FRMD8: variants seen among roughly 807,000 people sequenced by gnomAD.
FRMD8 encodes the protein FERM domain-containing protein 8.
FRMD8 carries 37 observed loss-of-function variants against 54.2 expected under a neutral mutation model. That is an observed-to-expected ratio of 0.68 (90% CI 0.53 to 0.90). The LOEUF (loss-of-function observed/expected upper bound fraction) is 0.90. Among genes scored for constraint, FRMD8 ranks in the 40% least tolerant of loss-of-function variants. The pLI, the probability that FRMD8 is intolerant of heterozygous loss-of-function variation, is 0.00. For synonymous variants in FRMD8, 246 were observed against 286.9 expected, an observed-to-expected ratio of 0.86 and a Z score of 1.44; for missense variants, 585 against 653.7, an observed-to-expected ratio of 0.89 and a Z score of 1.15.
At chr11:65,399,201 C>G (rs1463642680) in intron 7 of FRMD8, among the ~76,000 whole-genome samples, 2 of 151,926 alleles carry the variant, frequency 1.3e-5, no homozygotes, top group African/African-American at 4.8e-5. Context: ...GGGTTTCACC[C>G]TGTTAGCCAG....
At chr11:65,370,699 C>CA in the FRMD8 span, among the ~76,000 whole-genome samples, 1,004 of 138,012 alleles carry the variant, frequency 7.3e-3, 6 homozygotes, top group African/African-American at 0.022. Flanking sequence ...GACTCTGTCT[C>CA]AAAAAAAAAA....
At chr11:65,402,203 T>C (rs999353204) in intron 9 of FRMD8, among the ~76,000 whole-genome samples, 26 of 151,932 alleles carry the variant, frequency 1.7e-4, no homozygotes, top group African/African-American at 4.8e-4. Context: ...TACAAAAAAT[T>C]GGCCGGGTGT....
the FRMD8 span, among the ~76,000 whole-genome samples, chr11:65,373,440 C>T: frequency 1.6e-4 from 25 of 152,310 alleles, no homozygotes; most frequent in South Asian, 4.8e-3. Flanking sequence ...TCAGGAGCCC[C>T]CAGAACACCG....
At chr11:65,373,381 C>T in the FRMD8 span, among the ~76,000 whole-genome samples, 1 of 152,216 alleles carries the variant, frequency 6.6e-6, no homozygotes, top group African/African-American at 2.4e-5. Flanking sequence ...GTTCGAGTCT[C>T]TTCCACCATA....
At chr11:65,376,874 T>G in the FRMD8 span, 1 of 1,614,170 alleles carries the variant, frequency 6.2e-7, no homozygotes, top group Non-Finnish European at 8.5e-7. Flanking sequence ...GGTGATGAAG[T>G]AGATCCCCAC....
At chr11:65,387,854 C>T (rs1855764606) in intron 2 of FRMD8, among the ~76,000 whole-genome samples, 1 of 151,930 alleles carries the variant, frequency 6.6e-6, no homozygotes, top group Admixed American at 6.6e-5. Flanking sequence ...TTTCTTTCTC[C>T]CAAACAGCCT....
intron 3 of FRMD8, among the ~76,000 whole-genome samples, chr11:65,389,751 A>G (rs1379978309): frequency 6.6e-6 from 1 of 151,892 alleles, no homozygotes; most frequent in East Asian, 1.9e-4. Flanking sequence ...CTGGTGGTGG[A>G]GGAGTGGACA....
chr11:65,412,698 A>G lies in FRMD8; in HGVS notation c.*1338A>G, dbSNP rs1856363184. 6.6e-6 allele frequency: 1 copy of G among 151,906 alleles called. No individual in the cohort carries two copies. The highest frequency in any genetic ancestry group is 1.5e-5 in the Non-Finnish European group (1 of 67,986). The allele number at this position is 151,906 out of a possible 1,614,324, so 9.4% of individuals were successfully genotyped here. On this transcript the variant is annotated 3_prime_UTR_variant, in exon 11 of 11. Transcript: ENST00000317568. ...CGTGGGAGAGGAAGCTTGGGCCTCT[A>G]CTCCAAGTATCAGAGCCTGTTCACC...
At chr11:65,381,983 C>A (rs763451997), upstream of FRMD8, 7 of 1,589,022 alleles carry the variant, frequency 4.4e-6, no homozygotes, top group Non-Finnish European at 6.0e-6. Flanking sequence ...GTGGCTCCAG[C>A]AGAGGAGACA....
At chr11:65,382,072 G>T, upstream of FRMD8, 2 of 915,286 alleles carry the variant, frequency 2.2e-6, no homozygotes, top group Non-Finnish European at 3.6e-6. This position sits in a 1 kb window ranked among gnomAD's most constrained non-coding sequence, Gnocchi z 4.4. Flanking sequence ...GGGAAGGTGA[G>T]AATTGGCCTG....
At chr11:65,371,831 G>A in the FRMD8 span, among the ~76,000 whole-genome samples, 10 of 152,138 alleles carry the variant, frequency 6.6e-5, no homozygotes, top group East Asian at 3.9e-4. Flanking sequence ...AGCCAGGATG[G>A]TCTCGATCTC....
At chr11:65,385,881 G>T (rs1417038270), upstream of FRMD8, among the ~76,000 whole-genome samples, 1 of 149,094 alleles carries the variant, frequency 6.7e-6, no homozygotes, top group South Asian at 2.1e-4. Flanking sequence ...TGCAGGCTCC[G>T]CCCCCTGGGG....
At chr11:65,388,393 C>T (rs983542103) in intron 2 of FRMD8, among the ~76,000 whole-genome samples, 3 of 152,120 alleles carry the variant, frequency 2.0e-5, no homozygotes, top group South Asian at 2.1e-4. Flanking sequence ...ACTGGGGGTC[C>T]GAGGAGCACC....
intron 10 of FRMD8, among the ~76,000 whole-genome samples, chr11:65,410,557 G>A (rs533515779): frequency 5.3e-5 from 8 of 151,340 alleles, no homozygotes; most frequent in African/African-American, 1.7e-4. Flanking sequence ...TTGGGAGGCC[G>A]AGGCAGGCAG....
In FRMD8 at chr11:65,400,009, C is replaced by G; in HGVS notation, c.927+150C>G. On this transcript the variant is annotated intron_variant, in intron 8 of 10. Transcript: ENST00000317568. The surrounding 1 kb of genome is among the most constrained non-coding windows in gnomAD (Gnocchi z 4.3). ...GCCTCCGTTGGATGTCCTCGTAGCC[C>G]CTGAGGGTGATCCTGGGTCCTCTTG... The G allele has an allele frequency of 1.1e-6, 1 of 928,244 alleles. No homozygotes were observed. The highest frequency in any genetic ancestry group is 1.6e-6 in the Non-Finnish European group (1 of 633,470). The allele number at this position is 928,244 out of a possible 1,614,324, so 57.5% of individuals were successfully genotyped here. A position where few individuals can be genotyped will look rare whatever the true frequency, so the allele number is the denominator to read the frequency against.
At chr11:65,407,228 CATTT>C (rs66771671) in intron 10 of FRMD8, among the ~76,000 whole-genome samples, 13,055 of 147,112 alleles carry the variant, frequency 0.089, 699 homozygotes, top group South Asian at 0.25. Flanking sequence ...CAAAGATCTA[CATTT>C]ATTTATTTAT....
At chr11:65,370,967 C>T in the FRMD8 span, among the ~76,000 whole-genome samples, 2 of 152,010 alleles carry the variant, frequency 1.3e-5, no homozygotes, top group African/African-American at 2.4e-5. Context: ...TTTGGCATGG[C>T]GGGGGTGAAG....
chr11:65,406,410 G>T (rs1856198183), intron 10 of FRMD8, among the ~76,000 whole-genome samples: 1 of 151,860 alleles, frequency 6.6e-6, no homozygotes, highest in Non-Finnish European at 1.5e-5. Context: ...TAGCCAGGAT[G>T]GTCTCGATCT....
intron 1 of FRMD8, 23 bp from the exon 2 acceptor site, chr11:65,387,014 G>C: frequency 6.2e-7 from 1 of 1,600,470 alleles, no homozygotes; most frequent in Non-Finnish European, 8.5e-7. Context: ...CCCGGTAACT[G>C]CTGTTTCTCT....
Sources: gnomAD v4.1 joint callset for allele counts (sites outside exome capture counted in the v4.1 genomes callset) on GRCh38, gnomAD v4.1.1 for gene constraint, Gnocchi (gnomAD v3.1) non-coding constraint, MANE v1.5 for transcripts, NCBI Gene and HGNC (gene_info 2026-07-23, HGNC 2026-07-21) for gene names.